FSTL5: variants seen among roughly 807,000 people sequenced by gnomAD.
The protein encoded by FSTL5 is follistatin-related protein 5.
In FSTL5, 62 loss-of-function variants were observed where a neutral mutation model predicts 89.1. That is an observed-to-expected ratio of 0.70 (90% confidence interval 0.57 to 0.86). The LOEUF (loss-of-function observed/expected upper bound fraction) is 0.86, where lower values mean the gene tolerates loss of function less well. FSTL5 is among the 40% of genes least tolerant of loss of function. The probability of loss-of-function intolerance (pLI) is 0.00; values close to 1 mark genes in which losing one functional copy is unlikely to be tolerated. For synonymous variants in FSTL5, 383 were observed against 346.2 expected, an observed-to-expected ratio of 1.11 and a Z score of -1.18; for missense variants, 1,057 against 1,001.6, an observed-to-expected ratio of 1.06 and a Z score of -0.75.
intron 15 of FSTL5, among the ~76,000 whole-genome samples, chr4:161,446,628 T>A (rs748350639): frequency 5.9e-5 from 9 of 152,106 alleles, no homozygotes; most frequent in Non-Finnish European, 1.2e-4. Flanking sequence ...TTATGAGAAC[T>A]AGCTAATGCT....
chr4:161,809,046 G>A (rs559923497), intron 4 of FSTL5, among the ~76,000 whole-genome samples: 15 of 152,114 alleles, frequency 9.9e-5, no homozygotes, highest in South Asian at 4.1e-4. Flanking sequence ...GTGAAACCCC[G>A]TTTCTACGAA....
intron 4 of FSTL5, among the ~76,000 whole-genome samples, chr4:161,805,002 C>T (rs913967453): frequency 3.3e-5 from 5 of 152,028 alleles, no homozygotes; most frequent in Non-Finnish European, 7.4e-5. Flanking sequence ...CATTTAATGA[C>T]CAGTGAATAC....
At chr4:161,407,349 A>G (rs1267209368) in intron 15 of FSTL5, among the ~76,000 whole-genome samples, 1 of 152,174 alleles carries the variant, frequency 6.6e-6, no homozygotes, top group Non-Finnish European at 1.5e-5. Context: ...CTACACCAAC[A>G]TAATTTGAAC....
chr4:161,509,132 G>A (rs2126497916), intron 11 of FSTL5, among the ~76,000 whole-genome samples: 1 of 152,040 alleles, frequency 6.6e-6, no homozygotes, highest in South Asian at 2.1e-4. Context: ...GCAAAACCCC[G>A]TCTCTACTAA....
chr4:162,003,955 T>G (rs1442059426), intron 3 of FSTL5, among the ~76,000 whole-genome samples: 1 of 152,160 alleles, frequency 6.6e-6, no homozygotes, highest in Non-Finnish European at 1.5e-5. Flanking sequence ...CAAAAGCATC[T>G]GGGTAGCAGA....
intron 12 of FSTL5, among the ~76,000 whole-genome samples, chr4:161,486,971 A>C (rs1009115543): frequency 1.3e-5 from 2 of 152,196 alleles, no homozygotes; most frequent in East Asian, 3.8e-4. Flanking sequence ...ACCCCAAAAT[A>C]CTTTGTCAAA....
rs773779811 is a variant in FSTL5 at position 161,692,510 on chromosome 4, C to CAAAAGTAAGTTA, written c.728-36028_728-36017dup. Among the ~76,000 whole-genome samples the CAAAAGTAAGTTA allele has an allele frequency of 7.3e-4, 111 of 152,110 alleles. 1 individual carries two copies. Among genetic ancestry groups the CAAAAGTAAGTTA allele is most frequent in the Non-Finnish European group, 7.9e-4 (54 of 67,996 alleles). The stretch of plus-strand genomic sequence containing the variant: ...AGTGCTTTTACAAAAGGTGCTTTTA[C>CAAAAGTAAGTTA]AAAAGTAAGTTAAAATGAAGTTATT... On this transcript the variant is annotated intron_variant, in intron 6 of 15. Coordinates refer to ENST00000306100, the MANE Select transcript of FSTL5 (RefSeq NM_020116.5).
intron 8 of FSTL5, among the ~76,000 whole-genome samples, chr4:161,569,540 C>A (rs1732930007): frequency 6.6e-6 from 1 of 152,102 alleles, no homozygotes; most frequent in African/African-American, 2.4e-5. Flanking sequence ...CCTCCACTGT[C>A]TCTGAGAATT....
intron 6 of FSTL5, among the ~76,000 whole-genome samples, chr4:161,660,957 G>A (rs1736686025): frequency 6.6e-6 from 1 of 151,952 alleles, no homozygotes; most frequent in Admixed American, 6.6e-5. Flanking sequence ...ATGTGTCTTT[G>A]TAATAGGATA....
intron 3 of FSTL5, among the ~76,000 whole-genome samples, chr4:161,928,112 T>C (rs1313622988): frequency 2.6e-5 from 4 of 151,876 alleles, no homozygotes; most frequent in East Asian, 1.9e-4. Context: ...AATGGCTCTA[T>C]AATAGTTTTG....
chr4:161,938,342 T>G (rs549794632), intron 3 of FSTL5, among the ~76,000 whole-genome samples: 1 of 152,234 alleles, frequency 6.6e-6, no homozygotes, highest in South Asian at 2.1e-4. Flanking sequence ...TTATTTATTT[T>G]ATGCAAAAAC....
At chr4:161,961,799 T>G (rs1406393463) in intron 3 of FSTL5, among the ~76,000 whole-genome samples, 1 of 151,784 alleles carries the variant, frequency 6.6e-6, no homozygotes, top group Admixed American at 6.6e-5. Flanking sequence ...ATTTAAATGT[T>G]CTAACTTCTA....
rs71598736 is a variant in FSTL5, at chr4:161,778,092, TCA to T, written c.410-2020_410-2019del. Reference sequence around the variant, plus strand: ...CTGAATGACAGGGTGAGACTCCGTATCACACACACACACACACACACACACAC... The same window carrying T: ...CTGAATGACAGGGTGAGACTCCGTATCACACACACACACACACACACACAC... On this transcript the variant is annotated intron_variant, in intron 4 of 15. Transcript: ENST00000306100. Among the ~76,000 whole-genome samples, 814 of 148,332 alleles carry T rather than the reference TCA, an allele frequency of 5.5e-3. 5 individuals are homozygous for T. Among genetic ancestry groups the T allele is most frequent in the African/African-American group, 0.016 (661 of 40,278 alleles).
intron 8 of FSTL5, among the ~76,000 whole-genome samples, chr4:161,550,750 C>T (rs1270522108): frequency 2.0e-5 from 3 of 151,806 alleles, no homozygotes; most frequent in African/African-American, 4.8e-5. Flanking sequence ...CACCCCACCA[C>T]AGTCCCCAGA....
At chr4:161,471,878 A>T (rs1278015290) in intron 13 of FSTL5, among the ~76,000 whole-genome samples, 1 of 152,178 alleles carries the variant, frequency 6.6e-6, no homozygotes, top group Non-Finnish European at 1.5e-5. Flanking sequence ...TTATCTATAG[A>T]ATTGGTATAA....
intron 6 of FSTL5, among the ~76,000 whole-genome samples, chr4:161,695,449 GTGTGTA>G (rs373690734): frequency 0.043 from 5,874 of 137,754 alleles, 222 homozygotes; most frequent in African/African-American, 0.1. Flanking sequence ...GTGTGTGTGT[GTGTGTA>G]TATATATCAC....
chr4:161,866,612 C>T (rs1218794799), intron 4 of FSTL5, among the ~76,000 whole-genome samples: 1 of 151,716 alleles, frequency 6.6e-6, no homozygotes, highest in Non-Finnish European at 1.5e-5. Context: ...TTAGCCCTCA[C>T]ATATTACCTG....
chr4:161,657,893 T>A (rs1217360780), intron 6 of FSTL5, among the ~76,000 whole-genome samples: 1 of 152,196 alleles, frequency 6.6e-6, no homozygotes, highest in Non-Finnish European at 1.5e-5. Context: ...CCTATTCTGT[T>A]ATGTAGCATC....
At chr4:161,558,781 A>G (rs562624706) in intron 8 of FSTL5, among the ~76,000 whole-genome samples, 18 of 152,014 alleles carry the variant, frequency 1.2e-4, no homozygotes, top group African/African-American at 4.3e-4. Flanking sequence ...TGAAGTCACT[A>G]TTTATCTAGC....
Sources: gnomAD v4.1 joint callset for allele counts (sites outside exome capture counted in the v4.1 genomes callset) on GRCh38, gnomAD v4.1.1 for gene constraint, MANE v1.5 for transcripts, NCBI Gene and HGNC (gene_info 2026-07-23, HGNC 2026-07-21) for gene names.